Variants in RTN1 observed in about 807,000 individuals in gnomAD.
The protein encoded by RTN1 is reticulon 1.
Under a neutral mutation model 65.5 loss-of-function variants are expected in RTN1, and 25 were observed. The observed-to-expected ratio is 0.38, with a 90% CI of 0.28 to 0.53. The LOEUF (loss-of-function observed/expected upper bound fraction) is 0.53. Ranked by LOEUF, RTN1 falls within the 20% of genes least tolerant of loss-of-function variation. The pLI is 0.79. For synonymous variants in RTN1, 471 were observed against 447.6 expected, an observed-to-expected ratio of 1.05 and a Z score of -0.66; for missense variants, 983 against 1,025.4, an observed-to-expected ratio of 0.96 and a Z score of 0.57.
At chr14:59,674,095 A>G (rs1883569218) in intron 3 of RTN1, among the ~76,000 whole-genome samples, 1 of 152,150 alleles carries the variant, frequency 6.6e-6, no homozygotes, top group Non-Finnish European at 1.5e-5. Context: ...CATCCCTTCA[A>G]TCTTCCCCCA....
At chr14:59,862,496 C>A (rs916027763) in intron 1 of RTN1, among the ~76,000 whole-genome samples, 1 of 152,144 alleles carries the variant, frequency 6.6e-6, no homozygotes, top group African/African-American at 2.4e-5. Context: ...ATCTCTTATC[C>A]TTTCATCTCC....
chr14:59,613,642 C>G (rs1469282067), intron 3 of RTN1, among the ~76,000 whole-genome samples: 3 of 152,068 alleles, frequency 2.0e-5, no homozygotes, highest in African/African-American at 7.2e-5. Context: ...CTTCTTGGAA[C>G]TTGTTTTTCT....
chr14:59,753,738 G>A (rs758892175), intron 1 of RTN1, among the ~76,000 whole-genome samples: 30 of 152,174 alleles, frequency 2.0e-4, no homozygotes, highest in Non-Finnish European at 3.7e-4. Flanking sequence ...TGCAGAGCTG[G>A]CAGATGTGGG....
At chr14:59,863,451 C>T (rs547778259) in intron 1 of RTN1, among the ~76,000 whole-genome samples, 3 of 152,284 alleles carry the variant, frequency 2.0e-5, no homozygotes, top group East Asian at 1.9e-4. Flanking sequence ...CAGCATTTGA[C>T]GGAATCAATC....
intron 3 of RTN1, among the ~76,000 whole-genome samples, chr14:59,723,050 G>T (rs1461757541): frequency 6.6e-6 from 1 of 152,136 alleles, no homozygotes; most frequent in East Asian, 1.9e-4. Context: ...CACCAGCCTT[G>T]GCCTCCCAAA....
chr14:59,604,703 C>G (rs909208392), intron 5 of RTN1: 3 of 152,224 alleles, frequency 2.0e-5, no homozygotes, highest in African/African-American at 7.2e-5. Context: ...GCTGTGAGAG[C>G]ACAGAAACTT....
intron 3 of RTN1, among the ~76,000 whole-genome samples, chr14:59,688,762 G>C (rs1017174007): frequency 6.6e-6 from 1 of 151,952 alleles, no homozygotes; most frequent in African/African-American, 2.4e-5. Context: ...GGGTGAAAGG[G>C]AAAGGGAAAG....
chr14:59,618,670 C>G (rs1259125569), intron 3 of RTN1, among the ~76,000 whole-genome samples: 1 of 152,232 alleles, frequency 6.6e-6, no homozygotes, highest in Admixed American at 6.5e-5. Context: ...GAATCAGGAT[C>G]AAACCCTAAA....
At chr14:59,746,520 T>C in intron 1 of RTN1, 39 bp from the exon 2 acceptor site, 1 of 1,514,604 alleles carries the variant, frequency 6.6e-7, no homozygotes, top group Non-Finnish European at 8.8e-7. Flanking sequence ...AGTGGGTGCT[T>C]GGCGTCAGCT....
intron 3 of RTN1, among the ~76,000 whole-genome samples, chr14:59,676,163 T>G (rs575659852): frequency 6.6e-6 from 1 of 152,280 alleles, no homozygotes; most frequent in South Asian, 2.1e-4. Context: ...ACCTTATGCA[T>G]CAAAGTTAAT....
At chr14:59,799,657 C>A (rs942536751) in intron 1 of RTN1, among the ~76,000 whole-genome samples, 1 of 152,174 alleles carries the variant, frequency 6.6e-6, no homozygotes, top group African/African-American at 2.4e-5. Flanking sequence ...TTGGTGCTCA[C>A]AAGAAATATT....
In RTN1 at chr14:59,842,244, A is replaced by T. The variant is rs546222514; in HGVS notation, c.241+28146T>A. 2.8e-4 allele frequency among the ~76,000 whole-genome samples: 43 copies of T among 152,312 alleles called. 2 individuals carry two copies. In the Middle Eastern group the frequency reaches 0.024, roughly 84 times the overall value. ...CAAGAGTCAATTTACCAGGAAGAAC[A>T]TTCATAAATGTGTATGCATCTAATA... On this transcript the variant is annotated intron_variant, in intron 1 of 8. Transcript: ENST00000267484.
chr14:59,766,990 CAGAT>C lies in RTN1; in HGVS notation c.242-20513_242-20510del, dbSNP rs977951980. Among the ~76,000 whole-genome samples, 1 of 152,148 alleles carries C rather than the reference CAGAT, an allele frequency of 6.6e-6. No individual in the cohort carries two copies. The highest frequency in any genetic ancestry group is 1.9e-4 in the East Asian group (1 of 5,200). ...TCTGGGGATTTAACAATGAATGAAA[CAGAT>C]AAATAGTCTCTGGTCCCATGGAGGA... On this transcript the variant is annotated intron_variant, in intron 1 of 8. Transcript: ENST00000267484. This position sits in a 1 kb window ranked among gnomAD's most constrained non-coding sequence, Gnocchi z 4.4.
intron 1 of RTN1, among the ~76,000 whole-genome samples, chr14:59,784,596 A>G (rs1886219431): frequency 6.6e-6 from 1 of 152,188 alleles, no homozygotes; most frequent in Non-Finnish European, 1.5e-5. Flanking sequence ...TTACTTTAAT[A>G]CTGTTGGAAA....
chr14:59,635,547 A>G (rs533128962), intron 3 of RTN1, among the ~76,000 whole-genome samples: 1 of 152,246 alleles, frequency 6.6e-6, no homozygotes, highest in Non-Finnish European at 1.5e-5. Context: ...TGGGAAGAGT[A>G]AAAGCATTCT....
intron 3 of RTN1, among the ~76,000 whole-genome samples, chr14:59,683,039 G>T (rs535107297): frequency 1.3e-3 from 191 of 152,176 alleles, no homozygotes; most frequent in African/African-American, 4.4e-3. Context: ...ATTCACTATG[G>T]TTGATGTATG....
Position 59,816,944 on chromosome 14 carries a change from A to G in RTN1, c.241+53446T>C, listed in dbSNP as rs1886831839. On this transcript the variant is annotated intron_variant, in intron 1 of 8. Transcript: ENST00000267484. The surrounding 1 kb of genome is among the most constrained non-coding windows in gnomAD (Gnocchi z 4.3). ...AGAGACCGTGACTCAAAATCAATTA[A>G]TTAATAAATAAAATACACAGTACCA... is the stretch of plus-strand genomic sequence containing the variant. Among the ~76,000 whole-genome samples, 1 of 152,222 alleles carries G rather than the reference A, an allele frequency of 6.6e-6. No homozygotes were observed. The highest frequency in any genetic ancestry group is 1.5e-5 in the Non-Finnish European group (1 of 68,036).
At position 59,766,632 on chromosome 14, in the gene RTN1, A is replaced by G. The variant is rs922809904; in HGVS notation, c.242-20151T>C. Among the ~76,000 whole-genome samples, 6 of 152,180 alleles carry G rather than the reference A, an allele frequency of 3.9e-5. No individual in the cohort carries two copies. The highest frequency in any genetic ancestry group is 8.8e-5 in the Non-Finnish European group (6 of 68,032). The stretch of plus-strand genomic sequence containing the variant: ...GCTTCAGATTTCTTCCTTGAATGGC[A>G]AGATAACAGTTTCAATATTATTTCT... On this transcript the variant is annotated intron_variant, in intron 1 of 8. Coordinates refer to ENST00000267484, the MANE Select transcript of RTN1 (RefSeq NM_021136.3). The surrounding 1 kb of genome is among the most constrained non-coding windows in gnomAD (Gnocchi z 4.4).
intron 2 of RTN1, among the ~76,000 whole-genome samples, chr14:59,728,894 T>A (rs931573664): frequency 2.0e-5 from 3 of 152,212 alleles, no homozygotes; most frequent in African/African-American, 7.2e-5. Context: ...TCTCTGCTTA[T>A]ACTCTAGTGG....
Sources: gnomAD v4.1 joint callset for allele counts (sites outside exome capture counted in the v4.1 genomes callset) on GRCh38, gnomAD v4.1.1 for gene constraint, Gnocchi (gnomAD v3.1) non-coding constraint, MANE v1.5 for transcripts, NCBI Gene and HGNC (gene_info 2026-07-23, HGNC 2026-07-21) for gene names.